The following RUFY2 variants were observed in gnomAD, a reference collection of about 807,000 sequenced individuals.
The protein encoded by RUFY2 is RUN and FYVE domain containing 2.
RUFY2 carries 49 observed loss-of-function variants against 94.4 expected under a neutral mutation model. That is an observed-to-expected ratio of 0.52 (90% CI 0.41 to 0.66). The LOEUF is 0.66. RUFY2 is among the 30% of genes least tolerant of loss of function. The pLI is 0.00. For synonymous variants in RUFY2, 255 were observed against 235.7 expected (o/e 1.08, Z -0.75); for missense variants, 541 against 692.8 (o/e 0.78, Z 2.46).
In RUFY2 at chr10:68,343,934, A is replaced by T. The variant is rs1423356753; in HGVS notation, c.*1834T>A. The T allele has an allele frequency of 6.6e-6, 1 of 152,154 alleles. No homozygotes were observed. The highest frequency in any genetic ancestry group is 1.5e-5 in the Non-Finnish European group (1 of 68,008). The allele number at this position is 152,154 out of a possible 1,614,324, so 9.4% of individuals were successfully genotyped here. On this transcript the variant is annotated 3_prime_UTR_variant, in exon 18 of 18. Transcript: ENST00000602465. ...TTGAATGAAATTAGCCTTGGAATTT[A>T]AGCAACTTAAGTCACATTTTAAAAT...
intron 16 of RUFY2, among the ~76,000 whole-genome samples, chr10:68,351,228 C>A (rs1362462461): frequency 7.1e-6 from 1 of 141,190 alleles, no homozygotes; most frequent in Non-Finnish European, 1.5e-5. Context: ...ACCTTCCGGG[C>A]TCAAGCAATT....
intron 15 of RUFY2, among the ~76,000 whole-genome samples, chr10:68,358,580 T>C (rs1244249655): frequency 1.3e-5 from 2 of 152,188 alleles, no homozygotes; most frequent in Non-Finnish European, 2.9e-5. Flanking sequence ...AAAAACTGAA[T>C]ATGGAATTAA....
In RUFY2 at chr10:68,343,560, A is replaced by T. The variant is rs2046095134; in HGVS notation, c.*2208T>A. The T allele has an allele frequency of 6.6e-6, 1 of 152,580 alleles. No individual in the cohort carries two copies. Among genetic ancestry groups the T allele is most frequent in the African/African-American group, 2.4e-5 (1 of 41,446 alleles). 9.5% of individuals were successfully genotyped at this position (152,580 alleles called of 1,614,324 possible). On this transcript the variant is annotated 3_prime_UTR_variant, in exon 18 of 18. Transcript: ENST00000602465. ...ATTTAGTTCATAAAATTCACATTTTATTTTTTAAACATTATAGGTTAGAAG... is the reference window on the plus strand; with the variant it reads ...ATTTAGTTCATAAAATTCACATTTTTTTTTTTAAACATTATAGGTTAGAAG...
chr10:68,363,846 TTTAC>T (rs1198745500), intron 14 of RUFY2, 134 bp downstream of exon 14: 6 of 849,532 alleles, frequency 7.1e-6, no homozygotes, highest in African/African-American at 1.7e-5. Flanking sequence ...CTATTTTCCA[TTTAC>T]TTAATCTCTT....
intron 17 of RUFY2, 32 bp downstream of exon 17, chr10:68,345,975 A>G: frequency 1.9e-6 from 3 of 1,612,040 alleles, no homozygotes; most frequent in Non-Finnish European, 8.5e-7. Flanking sequence ...TTTGCACTCC[A>G]AATTTTTGGA....
intron 3 of RUFY2, among the ~76,000 whole-genome samples, chr10:68,397,779 G>C (rs2050502246): frequency 6.9e-6 from 1 of 144,468 alleles, no homozygotes; most frequent in Non-Finnish European, 1.5e-5. Flanking sequence ...CCCTGTCTCA[G>C]AAAAAAAAAA....
chr10:68,351,275 G>A (rs950041721), intron 16 of RUFY2, among the ~76,000 whole-genome samples: 2 of 151,510 alleles, frequency 1.3e-5, no homozygotes, highest in African/African-American at 4.9e-5. Flanking sequence ...GGGATTACAG[G>A]CATGTGCCAC....
At chr10:68,352,143 T>G (rs2046725519) in intron 16 of RUFY2, among the ~76,000 whole-genome samples, 1 of 152,070 alleles carries the variant, frequency 6.6e-6, no homozygotes, top group Non-Finnish European at 1.5e-5. Flanking sequence ...CAAATTTTGG[T>G]AGAGACAAGG....
Position 68,380,126 on chromosome 10 carries a change from G to A in RUFY2, c.1108-605C>T, listed in dbSNP as rs1205651941. 4.3e-5 allele frequency among the ~76,000 whole-genome samples: 6 copies of A among 138,372 alleles called. No individual in the cohort carries two copies. In the South Asian group the frequency reaches 1.6e-3, roughly 37 times the overall value. The allele number at this position is 138,372 out of a possible 152,430, so 90.8% of individuals were successfully genotyped here. ...CACGGCCCTTTTTTTTTTTTTTTAAGATGGGGTCTTGCTATGTTCACCAGG... is the reference window on the plus strand; with the variant it reads ...CACGGCCCTTTTTTTTTTTTTTTAAAATGGGGTCTTGCTATGTTCACCAGG... On this transcript the variant is annotated intron_variant, in intron 11 of 17. Transcript: ENST00000602465.
Position 68,401,499 on chromosome 10 carries a change from G to A in RUFY2, c.296+121C>T, listed in dbSNP as rs574686435. On this transcript the variant is annotated intron_variant, in intron 3 of 17. Coordinates refer to ENST00000602465, the MANE Select transcript of RUFY2 (RefSeq NM_001330103.2). ...AAGAATGAACATAATTTTATTATAA[G>A]AGGATTAGAAGAAGGGGACTTAAGA... The A allele has an allele frequency of 6.3e-6, 4 of 635,436 alleles. No individual in the cohort carries two copies. In the Admixed American group the frequency reaches 7.1e-5, roughly 11 times the overall value. The allele number at this position is 635,436 out of a possible 1,614,324, so 39.4% of individuals were successfully genotyped here.
intron 8 of RUFY2, among the ~76,000 whole-genome samples, chr10:68,384,481 A>C (rs2132856992): frequency 6.6e-6 from 1 of 152,330 alleles, no homozygotes; most frequent in Non-Finnish European, 1.5e-5. Context: ...TGTCTGAGTA[A>C]ACAAATAGAG....
At chr10:68,401,591 A>C in intron 3 of RUFY2, 29 bp downstream of exon 3, 1 of 1,336,650 alleles carries the variant, frequency 7.5e-7, no homozygotes, top group Non-Finnish European at 1.1e-6. Context: ...TTCTGTGGCT[A>C]GGGATGAACA....
intron 13 of RUFY2, among the ~76,000 whole-genome samples, chr10:68,370,448 C>CTTTTTTTTTTTTTT (rs949829713): frequency 1.6e-5 from 2 of 126,174 alleles, no homozygotes; most frequent in African/African-American, 2.9e-5. Flanking sequence ...TTTCTTTTTT[C>CTTTTTTTTTTTTTT]TTTTTTTTTT....
At chr10:68,386,272 C>T in intron 7 of RUFY2, 144 bp from the exon 8 acceptor site, 1 of 564,350 alleles carries the variant, frequency 1.8e-6, no homozygotes, top group African/African-American at 1.9e-5. Context: ...ATTTCATTAA[C>T]TTGGATAACT....
intron 2 of RUFY2, among the ~76,000 whole-genome samples, chr10:68,402,714 A>T (rs891830112): frequency 7.8e-6 from 1 of 128,580 alleles, no homozygotes. Flanking sequence ...CCAGAGTGAG[A>T]CCCCCATCTC....
intron 16 of RUFY2, among the ~76,000 whole-genome samples, chr10:68,351,417 T>C (rs1589769563): frequency 1.3e-5 from 2 of 150,494 alleles, no homozygotes; most frequent in Admixed American, 6.6e-5. Context: ...ATTATAGGCG[T>C]GAGCCACCAC....
Position 68,401,841 on chromosome 10 carries a change from T to C in RUFY2, c.179-104A>G, listed in dbSNP as rs1590005178. On this transcript the variant is annotated intron_variant, in intron 2 of 17. Coordinates refer to ENST00000602465, the MANE Select transcript of RUFY2 (RefSeq NM_001330103.2). ...CATTTCTAACTTAACATACAATTAT[T>C]CAGAGATCTTTCCTCTTTTATCCAC... 1.8e-5 allele frequency: 13 copies of C among 716,526 alleles called. No homozygotes were observed. In the East Asian group the frequency reaches 3.6e-4, roughly 20 times the overall value. 44.4% of individuals were successfully genotyped at this position (716,526 alleles called of 1,614,324 possible).
At chr10:68,349,110 AC>A (rs1187663294) in intron 16 of RUFY2, among the ~76,000 whole-genome samples, 1 of 152,226 alleles carries the variant, frequency 6.6e-6, no homozygotes, top group Non-Finnish European at 1.5e-5. Flanking sequence ...GGTGAGGCCT[AC>A]CAGTTTTTAA....
At chr10:68,382,511 G>A (rs61855072) in intron 10 of RUFY2, among the ~76,000 whole-genome samples, 25,833 of 150,526 alleles carry the variant, frequency 0.17, 2,376 homozygotes, top group South Asian at 0.26. Context: ...TCAAGAGATC[G>A]AGACCATCCT....
Sources: gnomAD v4.1 joint callset for allele counts (sites outside exome capture counted in the v4.1 genomes callset) on GRCh38, gnomAD v4.1.1 for gene constraint, MANE v1.5 for transcripts, NCBI Gene and HGNC (gene_info 2026-07-23, HGNC 2026-07-21) for gene names.